Variants in NAV3 observed in about 807,000 individuals in gnomAD.
NAV3 encodes the protein neuron navigator 3, also known as pore membrane and/or filament interacting like protein 1.
NAV3 carries 87 observed loss-of-function variants against 244.7 expected under a neutral mutation model. The ratio of observed to expected loss-of-function variants is 0.36; its 90% CI spans 0.30 to 0.42. The LOEUF (loss-of-function observed/expected upper bound fraction) is 0.42, where lower values mean the gene tolerates loss of function less well. NAV3 is among the 20% of genes least tolerant of loss of function. The probability of loss-of-function intolerance (pLI) is 1.00; values close to 1 mark genes in which losing one functional copy is unlikely to be tolerated. For synonymous variants in NAV3, 1,126 were observed against 1,042.2 expected (o/e 1.08, Z -1.55); for missense variants, 2,663 against 2,893.3 (o/e 0.92, Z 1.83).
intron 12 of NAV3, among the ~76,000 whole-genome samples, chr12:78,064,555 T>G (rs931758092): frequency 5.9e-5 from 9 of 152,186 alleles, no homozygotes; most frequent in African/African-American, 2.2e-4. Context: ...CCTTATGTAT[T>G]AATTTAACCT....
intron 2 of NAV3, among the ~76,000 whole-genome samples, chr12:77,819,600 A>G (rs1872653687): frequency 6.6e-6 from 1 of 152,042 alleles, no homozygotes; most frequent in Non-Finnish European, 1.5e-5. Flanking sequence ...TAAATCTTAC[A>G]AATACAGTGG....
chr12:77,904,558 G>A (rs999386010), intron 1 of NAV3, among the ~76,000 whole-genome samples: 1 of 152,138 alleles, frequency 6.6e-6, no homozygotes, highest in African/African-American at 2.4e-5. Context: ...ACGAGTTAAT[G>A]GGTGCAGCAC....
intron 2 of NAV3, among the ~76,000 whole-genome samples, chr12:77,577,849 C>A (rs1869163764): frequency 6.6e-6 from 1 of 152,074 alleles, no homozygotes; most frequent in Non-Finnish European, 1.5e-5. Flanking sequence ...AAAGAATATA[C>A]TAAGACTAAC....
intron 2 of NAV3, among the ~76,000 whole-genome samples, chr12:77,741,255 T>C (rs1868331500): frequency 6.6e-6 from 1 of 151,466 alleles, no homozygotes; most frequent in Non-Finnish European, 1.5e-5. Flanking sequence ...AAGAGAATCC[T>C]TATAAAGTTT....
chr12:77,943,311 C>A (rs775233575), intron 3 of NAV3, among the ~76,000 whole-genome samples: 7 of 152,060 alleles, frequency 4.6e-5, no homozygotes, highest in Non-Finnish European at 1.0e-4. Context: ...AGACCACAGT[C>A]TAAGAAATGC....
chr12:77,758,638 C>A (rs960440476), intron 2 of NAV3, among the ~76,000 whole-genome samples: 1 of 152,082 alleles, frequency 6.6e-6, no homozygotes, highest in African/African-American at 2.4e-5. Context: ...AAGAGCCGTA[C>A]AAAATATGTG....
chr12:78,177,083 A>T, intron 26 of NAV3, 58 bp from the exon 27 acceptor site: 1 of 1,602,806 alleles, frequency 6.2e-7, no homozygotes, highest in South Asian at 1.1e-5. Context: ...TAACGCCCCA[A>T]AGCAAAAGCT....
chr12:77,808,608 T>G (rs998549429), intron 2 of NAV3, among the ~76,000 whole-genome samples: 2 of 152,178 alleles, frequency 1.3e-5, no homozygotes, highest in Admixed American at 1.3e-4. Context: ...GAGGTGTCTA[T>G]CGACCCCTGC....
chr12:78,092,332 G>A (rs542960119), intron 12 of NAV3, among the ~76,000 whole-genome samples: 15 of 152,104 alleles, frequency 9.9e-5, no homozygotes, highest in African/African-American at 3.1e-4. Flanking sequence ...GGAGGGGTGG[G>A]AAGAGGCCTG....
At chr12:77,615,307 C>T (rs1281566117) in intron 2 of NAV3, among the ~76,000 whole-genome samples, 4 of 151,878 alleles carry the variant, frequency 2.6e-5, no homozygotes, top group Admixed American at 2.6e-4. Context: ...CATGGGTAAA[C>T]TGTGTGTCAC....
At chr12:77,951,584 A>T (rs1336101319) in intron 3 of NAV3, among the ~76,000 whole-genome samples, 1 of 152,194 alleles carries the variant, frequency 6.6e-6, no homozygotes, top group East Asian at 1.9e-4. Flanking sequence ...TACCCAAAGG[A>T]TTATAAATCA....
chr12:77,998,003 G>T (rs1284711733), intron 6 of NAV3, among the ~76,000 whole-genome samples: 1 of 152,172 alleles, frequency 6.6e-6, no homozygotes, highest in Non-Finnish European at 1.5e-5. Context: ...AAGTGTTATT[G>T]TTTCCTTTAC....
At chr12:78,151,909 A>G (rs2139281795) in intron 22 of NAV3, among the ~76,000 whole-genome samples, 1 of 151,448 alleles carries the variant, frequency 6.6e-6, no homozygotes. Context: ...TAATATTTTA[A>G]GTATCAGATA....
At chr12:78,123,685 G>A (rs1020656748) in intron 16 of NAV3, among the ~76,000 whole-genome samples, 1 of 152,138 alleles carries the variant, frequency 6.6e-6, no homozygotes, top group African/African-American at 2.4e-5. Flanking sequence ...CCTATGGTGG[G>A]CTGCTAATTA....
intron 3 of NAV3, among the ~76,000 whole-genome samples, chr12:77,961,030 ACGC>A (rs1351119059): frequency 6.7e-4 from 89 of 132,322 alleles, no homozygotes; most frequent in African/African-American, 1.7e-3. Context: ...TTACATGTAT[ACGC>A]ATATATGTAT....
At chr12:77,850,683 CTCTT>C (rs909739919) in intron 1 of NAV3, among the ~76,000 whole-genome samples, 16 of 152,180 alleles carry the variant, frequency 1.1e-4, no homozygotes, top group Non-Finnish European at 2.1e-4. Context: ...TGAAGTTTCT[CTCTT>C]TCTTTCTCAT....
intron 2 of NAV3, among the ~76,000 whole-genome samples, chr12:77,719,865 A>C (rs953082179): frequency 2.0e-5 from 3 of 152,050 alleles, no homozygotes; most frequent in Admixed American, 6.6e-5. Flanking sequence ...TTTGGGAAGA[A>C]TTTTCATTTT....
Position 78,121,927 on chromosome 12 carries a change from G to C in NAV3, c.3750-13G>C. 6.2e-7 allele frequency: 1 copy of C among 1,610,998 alleles called. No homozygotes were observed. The highest frequency in any genetic ancestry group is 8.5e-7 in the Non-Finnish European group (1 of 1,177,676). ...CTTGGAACAACTGAAGTTGTTATTTGTTTTTCTTTTAGGTTGTTTGGTGCC... is the reference window on the plus strand; with the variant it reads ...CTTGGAACAACTGAAGTTGTTATTTCTTTTTCTTTTAGGTTGTTTGGTGCC... On this transcript the variant is annotated splice_polypyrimidine_tract_variant and intron_variant, in intron 15 of 39. Coordinates refer to ENST00000397909, the MANE Select transcript of NAV3 (RefSeq NM_001024383.2).
chr12:77,864,296 A>G (rs1300753683), intron 1 of NAV3, among the ~76,000 whole-genome samples: 1 of 151,932 alleles, frequency 6.6e-6, no homozygotes, highest in Non-Finnish European at 1.5e-5. Context: ...TGATTCACAA[A>G]TGCATTTAAC....
Sources: allele counts gnomAD v4.1 joint callset (sites outside exome capture counted in the v4.1 genomes callset), GRCh38; gene constraint gnomAD v4.1.1; transcripts MANE v1.5; gene names NCBI Gene and HGNC (gene_info 2026-07-23, HGNC 2026-07-21).